The following GRM7 variants were observed in gnomAD, a reference collection of about 807,000 sequenced individuals.
The protein encoded by GRM7 is metabotropic glutamate receptor 7.
In GRM7, 35 loss-of-function variants were observed where a neutral mutation model predicts 84.5. That is an observed-to-expected ratio of 0.41 (90% CI 0.32 to 0.55). The LOEUF is 0.55. Among genes scored for constraint, GRM7 ranks in the 20% least tolerant of loss-of-function variants. The pLI is 0.19. For synonymous variants in GRM7, 487 were observed against 455.1 expected (o/e 1.07, Z -0.89); for missense variants, 1,003 against 1,194.6 (o/e 0.84, Z 2.36).
intron 5 of GRM7, among the ~76,000 whole-genome samples, chr3:7,425,350 A>G (rs1696563820): frequency 6.6e-6 from 1 of 152,220 alleles, no homozygotes. Context: ...GTACAAAGAG[A>G]AAAGACAGAG....
At chr3:7,638,809 G>A (rs185572382) in intron 8 of GRM7, among the ~76,000 whole-genome samples, 1 of 152,340 alleles carries the variant, frequency 6.6e-6, no homozygotes, top group East Asian at 1.9e-4. Context: ...TGTGCTCCCT[G>A]CATTAGTTGT....
At chr3:7,317,887 T>A (rs1167738096) in intron 4 of GRM7, among the ~76,000 whole-genome samples, 1 of 151,984 alleles carries the variant, frequency 6.6e-6, no homozygotes, top group Non-Finnish European at 1.5e-5. Flanking sequence ...AAAGTTAAAA[T>A]GATTAAACAA....
At chr3:7,070,616 G>A (rs113085568) in intron 1 of GRM7, among the ~76,000 whole-genome samples, 3 of 151,958 alleles carry the variant, frequency 2.0e-5, no homozygotes, top group African/African-American at 4.8e-5. Context: ...AAGTCACTAC[G>A]GGGATATAAC....
chr3:7,419,974 A>G (rs1696329403), intron 5 of GRM7, among the ~76,000 whole-genome samples: 2 of 152,300 alleles, frequency 1.3e-5, no homozygotes, highest in South Asian at 2.1e-4. Context: ...ATCAAGGGCT[A>G]AAGAGCGTAC....
chr3:7,043,273 C>G (rs60998716), intron 1 of GRM7, among the ~76,000 whole-genome samples: 8 of 152,148 alleles, frequency 5.3e-5, no homozygotes, highest in African/African-American at 1.9e-4. Flanking sequence ...TCAGAGTTCT[C>G]TCTTGGACTT....
At chr3:7,197,763 T>C (rs1353624085) in intron 2 of GRM7, among the ~76,000 whole-genome samples, 1 of 152,046 alleles carries the variant, frequency 6.6e-6, no homozygotes, top group African/African-American at 2.4e-5. Flanking sequence ...GAATATCTTA[T>C]AGGCCAGTTA....
chr3:7,044,380 G>A (rs1443732507), intron 1 of GRM7, among the ~76,000 whole-genome samples: 2 of 152,116 alleles, frequency 1.3e-5, no homozygotes, highest in South Asian at 4.2e-4. Flanking sequence ...AATGCTAATG[G>A]AATTGTTTCC....
At chr3:7,586,202 A>G (rs564866398) in intron 8 of GRM7, among the ~76,000 whole-genome samples, 31 of 152,314 alleles carry the variant, frequency 2.0e-4, no homozygotes, top group Non-Finnish European at 3.8e-4. Context: ...ATAAAGAACA[A>G]CTAGAACACT....
At chr3:7,260,673 T>TTGTGTGTGTG (rs71063292) in intron 2 of GRM7, among the ~76,000 whole-genome samples, 12,560 of 144,346 alleles carry the variant, frequency 0.087, 607 homozygotes, top group Admixed American at 0.14. Context: ...TTCTTTTGAA[T>TTGTGTGTGTG]TGTGTGTGTG....
At chr3:7,309,051 G>A (rs1700297638) in intron 4 of GRM7, among the ~76,000 whole-genome samples, 1 of 152,190 alleles carries the variant, frequency 6.6e-6, no homozygotes. Flanking sequence ...AATAGCAAGA[G>A]TTCATATGAA....
intron 2 of GRM7, among the ~76,000 whole-genome samples, chr3:7,162,410 A>G (rs1015062707): frequency 6.6e-6 from 1 of 152,152 alleles, no homozygotes; most frequent in East Asian, 1.9e-4. Context: ...CAAGTAAAAA[A>G]GTGTTTAAAG....
At chr3:7,657,829 A>C (rs548387527) in intron 8 of GRM7, among the ~76,000 whole-genome samples, 1 of 152,320 alleles carries the variant, frequency 6.6e-6, no homozygotes, top group African/African-American at 2.4e-5. Flanking sequence ...GCTGGCTTTT[A>C]AGTTTCAGTC....
In GRM7 at chr3:7,482,677, ACT is replaced by A. The variant is rs763938292; in HGVS notation, c.1515+20958_1515+20959del. On this transcript the variant is annotated intron_variant, in intron 7 of 9. Transcript: ENST00000357716. The stretch of plus-strand genomic sequence containing the variant: ...AGACCCTCTATAGCAAATGTGGGTG[ACT>A]CTGTTCTTTCCTGGAAGAAAGTTGA... Among the ~76,000 whole-genome samples the A allele has an allele frequency of 1.9e-4, 29 of 152,184 alleles. 1 individual carries two copies. Among genetic ancestry groups the A allele is most frequent in the Admixed American group, 5.9e-4 (9 of 15,278 alleles).
intron 4 of GRM7, among the ~76,000 whole-genome samples, chr3:7,354,118 A>G (rs934469617): frequency 2.0e-5 from 3 of 152,130 alleles, no homozygotes; most frequent in African/African-American, 7.2e-5. Context: ...AGTCCTTTGT[A>G]TAATACTAAA....
Position 7,054,254 on chromosome 3 carries a change from G to GAT in GRM7, c.520-92191_520-92190dup, listed in dbSNP as rs1491386354. Among the ~76,000 whole-genome samples the GAT allele has an allele frequency of 2.0e-5, 3 of 148,110 alleles. No homozygotes were observed. The East Asian group carries it at 6.0e-4, about 30-fold the overall frequency. On this transcript the variant is annotated intron_variant, in intron 1 of 9. Coordinates refer to ENST00000357716, the MANE Select transcript of GRM7 (RefSeq NM_000844.4). ...AAGCCATTTTAATCTTATCTTTTAT[G>GAT]ATATATATGATATATGATATACATA...
At position 7,306,762 on chromosome 3, in the gene GRM7, G is replaced by C. The variant is rs1398653791; in HGVS notation, c.1033+110G>C. On this transcript the variant is annotated intron_variant, in intron 4 of 9. Coordinates refer to ENST00000357716, the MANE Select transcript of GRM7 (RefSeq NM_000844.4). ...GGCATTTTTACCAAACTCATGTGGG[G>C]TTGTTTCAAACTTATAGCCATGAAA... The C allele has an allele frequency of 2.7e-5, 24 of 884,138 alleles. No homozygotes were observed. In the Admixed American group the frequency reaches 5.3e-4, roughly 20 times the overall value. The allele number at this position is 884,138 out of a possible 1,614,324, so 54.8% of individuals were successfully genotyped here.
intron 8 of GRM7, among the ~76,000 whole-genome samples, chr3:7,617,579 T>G (rs1387662082): frequency 6.6e-6 from 1 of 152,034 alleles, no homozygotes; most frequent in Non-Finnish European, 1.5e-5. Flanking sequence ...AAAATATTGT[T>G]AGCAAACAAA....
At chr3:7,119,249 A>G (rs966004538) in intron 1 of GRM7, among the ~76,000 whole-genome samples, 6 of 151,978 alleles carry the variant, frequency 3.9e-5, no homozygotes, top group African/African-American at 1.4e-4. Flanking sequence ...TCACATTTTT[A>G]TGAGATGGGT....
chr3:7,320,003 C>G (rs7619307), intron 4 of GRM7, among the ~76,000 whole-genome samples: 2,052 of 152,104 alleles, frequency 0.013, 53 homozygotes, highest in African/African-American at 0.046. Flanking sequence ...CATTTCCTGT[C>G]ACTAATTCTA....
Sources: allele counts gnomAD v4.1 joint callset (sites outside exome capture counted in the v4.1 genomes callset), GRCh38; gene constraint gnomAD v4.1.1; transcripts MANE v1.5; gene names NCBI Gene and HGNC (gene_info 2026-07-23, HGNC 2026-07-21).